Variants in HTR4 observed in about 807,000 individuals in gnomAD.
The protein encoded by HTR4 is 5-hydroxytryptamine receptor 4.
Under a neutral mutation model 36.8 loss-of-function variants are expected in HTR4, and 16 were observed. That is an observed-to-expected ratio of 0.43 (90% CI 0.29 to 0.66). The LOEUF (loss-of-function observed/expected upper bound fraction) is 0.66, where lower values mean the gene tolerates loss of function less well. HTR4 is among the 30% of genes least tolerant of loss of function. The pLI is 0.13. For missense variants in HTR4, 438 were observed against 490.9 expected (o/e 0.89, Z 1.02); for synonymous variants, 189 against 185.1 (o/e 1.02, Z -0.17).
chr5:148,526,090 C>A (rs566726963), intron 4 of HTR4, among the ~76,000 whole-genome samples: 1 of 152,134 alleles, frequency 6.6e-6, no homozygotes, highest in Non-Finnish European at 1.5e-5. Flanking sequence ...GAGGGATAAT[C>A]GCCCTATTGA....
chr5:148,568,866 T>G (rs1760560218), intron 2 of HTR4, among the ~76,000 whole-genome samples: 1 of 152,128 alleles, frequency 6.6e-6, no homozygotes, highest in Admixed American at 6.6e-5. Flanking sequence ...GTTGCTATAG[T>G]TTTTTGTAAA....
At chr5:148,455,732 T>C (rs1755086328) in intron 5 of HTR4, among the ~76,000 whole-genome samples, 1 of 152,324 alleles carries the variant, frequency 6.6e-6, no homozygotes, top group South Asian at 2.1e-4. Flanking sequence ...ATACTGGTAG[T>C]TTACTGTTGA....
intron 4 of HTR4, 66 bp downstream of exon 4, chr5:148,548,602 T>G: frequency 8.0e-7 from 1 of 1,252,140 alleles, no homozygotes; most frequent in Non-Finnish European, 1.1e-6. Flanking sequence ...AGGCAGACAC[T>G]GCCCAATATC....
chr5:148,524,273 T>C (rs1353319178), intron 4 of HTR4, among the ~76,000 whole-genome samples: 2 of 152,178 alleles, frequency 1.3e-5, no homozygotes, highest in African/African-American at 4.8e-5. Flanking sequence ...TCCTGACCAA[T>C]GAATCATGAA....
At chr5:148,495,225 G>C (rs1384302770) in intron 6 of HTR4, among the ~76,000 whole-genome samples, 2 of 152,202 alleles carry the variant, frequency 1.3e-5, no homozygotes, top group Non-Finnish European at 2.9e-5. Context: ...TGTGGACAGA[G>C]CTTTGCAGTT....
chr5:148,560,867 T>C (rs925668965), intron 2 of HTR4, among the ~76,000 whole-genome samples: 2 of 152,076 alleles, frequency 1.3e-5, no homozygotes, highest in African/African-American at 4.8e-5. Flanking sequence ...ATATTTCCTT[T>C]AAAAAAACAC....
At chr5:148,589,989 C>T (rs1018691128) in intron 2 of HTR4, among the ~76,000 whole-genome samples, 3 of 152,102 alleles carry the variant, frequency 2.0e-5, no homozygotes. Flanking sequence ...CTTTGCCCAA[C>T]ATCTCTCCTT....
intron 4 of HTR4, among the ~76,000 whole-genome samples, chr5:148,538,584 G>C (rs12153348): frequency 0.3 from 44,914 of 151,890 alleles, 7,198 homozygotes; most frequent in Non-Finnish European, 0.37. Context: ...ACCTACGACA[G>C]CCAAGCTAAG....
At chr5:148,490,710 T>C (rs1248093045) in intron 6 of HTR4, 1 of 1,239,166 alleles carries the variant, frequency 8.1e-7, no homozygotes, top group Non-Finnish European at 1.0e-6. Context: ...CCTTCAACTT[T>C]ACTAGGAACT....
chr5:148,491,783 T>G (rs1260217907), intron 6 of HTR4, among the ~76,000 whole-genome samples: 1 of 152,086 alleles, frequency 6.6e-6, no homozygotes, highest in Non-Finnish European at 1.5e-5. Context: ...ATTTTATTGG[T>G]GTTGGGAGAG....
chr5:148,490,164 T>A (rs1756350943), intron 6 of HTR4, among the ~76,000 whole-genome samples: 1 of 148,234 alleles, frequency 6.7e-6, no homozygotes, highest in African/African-American at 2.5e-5. Flanking sequence ...ATATATAATA[T>A]ACATATACAT....
intron 5 of HTR4, among the ~76,000 whole-genome samples, chr5:148,455,510 A>G (rs898794475): frequency 6.6e-6 from 1 of 152,178 alleles, no homozygotes; most frequent in African/African-American, 2.4e-5. Context: ...ATAACTAGAA[A>G]AGAAGTGTGG....
chr5:148,485,415 A>G (rs1756102654), intron 6 of HTR4, among the ~76,000 whole-genome samples: 1 of 152,188 alleles, frequency 6.6e-6, no homozygotes, highest in South Asian at 2.1e-4. Context: ...AACTACCACT[A>G]TGGATACAGT....
At chr5:148,465,921 A>G (rs1251691166) in intron 5 of HTR4, 2 of 1,613,354 alleles carry the variant, frequency 1.2e-6, no homozygotes, top group Non-Finnish European at 1.7e-6. Flanking sequence ...ACAGGGGAAC[A>G]GCCACTTTTA....
chr5:148,578,164 T>C (rs921881394), intron 2 of HTR4, among the ~76,000 whole-genome samples: 33 of 152,124 alleles, frequency 2.2e-4, no homozygotes, highest in African/African-American at 7.5e-4. Flanking sequence ...CAATTACCTC[T>C]GTGAGGCGAA....
rs1375295786 is a variant in HTR4, at chr5:148,611,195, C to T, written c.26+25794G>A. Among the ~76,000 whole-genome samples the T allele has an allele frequency of 1.5e-4, 22 of 144,494 alleles. No homozygotes were observed. The East Asian group carries it at 4.3e-3, about 28-fold the overall frequency. 94.8% of individuals were successfully genotyped at this position (144,494 alleles called of 152,430 possible). On this transcript the variant is annotated intron_variant, in intron 2 of 6. Coordinates refer to ENST00000377888, the MANE Select transcript of HTR4 (RefSeq NM_000870.7). ...CAGAGAACGCCACAAAGATACTCCT[C>T]GAGAAGAGCAACTCCAAGACACATA...
intron 4 of HTR4, among the ~76,000 whole-genome samples, chr5:148,545,420 C>G (rs1759338473): frequency 6.6e-6 from 1 of 152,228 alleles, no homozygotes; most frequent in African/African-American, 2.4e-5. Context: ...AATGCAAGTT[C>G]TATGAGGGCA....
chr5:148,629,074 G>A (rs192847298), intron 2 of HTR4: 1 of 152,080 alleles, frequency 6.6e-6, no homozygotes, highest in Admixed American at 6.5e-5. Context: ...AATAAACTAT[G>A]TAAAAAATCT....
chr5:148,501,295 A>T (rs1477523772), intron 6 of HTR4, among the ~76,000 whole-genome samples: 1 of 152,220 alleles, frequency 6.6e-6, no homozygotes, highest in Non-Finnish European at 1.5e-5. Context: ...AGTGAGAAAA[A>T]GTTATATTTC....
Sources: gnomAD v4.1 joint callset for allele counts (sites outside exome capture counted in the v4.1 genomes callset) on GRCh38, gnomAD v4.1.1 for gene constraint, MANE v1.5 for transcripts, NCBI Gene and HGNC (gene_info 2026-07-23, HGNC 2026-07-21) for gene names.